ESR1: variants seen among roughly 807,000 people sequenced by gnomAD.
ESR1 encodes the protein estrogen receptor 1.
A neutral mutation model predicts 52.7 loss-of-function variants in ESR1; 12 were observed. The observed-to-expected ratio is 0.23, with a 90% CI of 0.15 to 0.37. ESR1 has a LOEUF of 0.37. ESR1 is among the 10% of genes least tolerant of loss of function. The pLI is 1.00. For synonymous variants in ESR1, 305 were observed against 316.8 expected, an observed-to-expected ratio of 0.96 and a Z score of 0.39; for missense variants, 584 against 779.7, an observed-to-expected ratio of 0.75 and a Z score of 2.99.
At chr6:151,946,378 T>C (rs1166870576) in intron 4 of ESR1, among the ~76,000 whole-genome samples, 1 of 152,198 alleles carries the variant, frequency 6.6e-6, no homozygotes, top group Non-Finnish European at 1.5e-5. Context: ...TTGAAGAGCA[T>C]TTTAAACAAC....
rs564492944 is a variant in ESR1 at position 151,671,385 on chromosome 6, G to A, written n.73+14622G>A. On this transcript the variant is annotated intron_variant and non_coding_transcript_variant, in intron 1 of 2. Coordinates refer to the ESR1 transcript ENST00000473497. ...AGAAAATTCTATCACTTGTGACAAC[G>A]TAGATGAACCTGGAGGACATCGTGC... is the stretch of plus-strand genomic sequence containing the variant. Among the ~76,000 whole-genome samples, 8 of 152,252 alleles carry A rather than the reference G, an allele frequency of 5.3e-5. No individual in the cohort carries two copies. The South Asian group carries it at 8.3e-4, about 16-fold the overall frequency.
At chr6:151,962,949 A>G (rs1318627185) in intron 4 of ESR1, among the ~76,000 whole-genome samples, 2 of 152,200 alleles carry the variant, frequency 1.3e-5, no homozygotes, top group Non-Finnish European at 2.9e-5. Flanking sequence ...ATATAAGCAT[A>G]TAGTTTTGCA....
At chr6:152,084,695 C>A (rs1274236867) in intron 6 of ESR1, among the ~76,000 whole-genome samples, 2 of 135,014 alleles carry the variant, frequency 1.5e-5, no homozygotes, top group Non-Finnish European at 3.1e-5. Context: ...GGTTCACAGG[C>A]TTTTAATTGA....
intron 2 of ESR1, among the ~76,000 whole-genome samples, chr6:151,748,288 G>A (rs1037687135): frequency 3.3e-5 from 5 of 152,144 alleles, no homozygotes; most frequent in African/African-American, 1.2e-4. Context: ...GTCCTTGAAA[G>A]TTGTCTATGC....
At chr6:151,669,646 G>A (rs79499083) in intron 1 of ESR1, among the ~76,000 whole-genome samples, 2,734 of 152,238 alleles carry the variant, frequency 0.018, 82 homozygotes, top group African/African-American at 0.063. Context: ...TCTGTAAAAT[G>A]GAGATCATGA....
At chr6:151,962,581 A>G (rs2037794146) in intron 4 of ESR1, among the ~76,000 whole-genome samples, 1 of 152,226 alleles carries the variant, frequency 6.6e-6, no homozygotes, top group African/African-American at 2.4e-5. Context: ...CACAACCACA[A>G]CCAAGGGAAA....
At chr6:151,714,477 C>T (rs138392575) in intron 2 of ESR1, among the ~76,000 whole-genome samples, 164 of 152,256 alleles carry the variant, frequency 1.1e-3, no homozygotes, top group African/African-American at 3.6e-3. Flanking sequence ...ATCTAAGTCT[C>T]TTTGTAGGTC....
chr6:151,798,325 A>G (rs965798701), intron 2 of ESR1, among the ~76,000 whole-genome samples: 3 of 152,168 alleles, frequency 2.0e-5, no homozygotes, highest in Non-Finnish European at 1.5e-5. Context: ...ATGATAAGGA[A>G]GTAGATGCAA....
At chr6:151,970,863 C>G (rs2038836836) in intron 4 of ESR1, among the ~76,000 whole-genome samples, 1 of 152,192 alleles carries the variant, frequency 6.6e-6, no homozygotes, top group Admixed American at 6.5e-5. Flanking sequence ...TGTTTCAAAT[C>G]CCACAAGGCC....
chr6:151,673,699 A>G (rs1368174650), intron 1 of ESR1, among the ~76,000 whole-genome samples: 1 of 152,182 alleles, frequency 6.6e-6, no homozygotes, highest in Non-Finnish European at 1.5e-5. Context: ...CTTGGGCAAC[A>G]TAGTGAGACC....
chr6:151,881,415 T>G (rs953194061), intron 3 of ESR1, among the ~76,000 whole-genome samples: 5 of 152,184 alleles, frequency 3.3e-5, no homozygotes, highest in African/African-American at 1.2e-4. Context: ...TGTGTGTGTG[T>G]GTGGTTTTCT....
intron 3 of ESR1, among the ~76,000 whole-genome samples, chr6:151,909,484 T>C (rs967780768): frequency 3.3e-5 from 5 of 152,280 alleles, no homozygotes; most frequent in South Asian, 2.1e-4. Context: ...ATTCAATACA[T>C]GTAGCAAAGA....
At position 151,711,897 on chromosome 6, in the gene ESR1, G is replaced by T. The variant is rs771826058; in HGVS notation, c.-71+9892G>T. Among the ~76,000 whole-genome samples the T allele has an allele frequency of 2.7e-4, 41 of 152,134 alleles. 1 individual carries two copies. The highest frequency in any genetic ancestry group is 5.9e-4 in the Admixed American group (9 of 15,274). ...TTGCCTTTTGTTGCCATTGCTTTTG[G>T]TGTTTTAGTCATGAAGTCTTTGTCC... On this transcript the variant is annotated intron_variant, in intron 2 of 2. Coordinates refer to the ESR1 transcript ENST00000404742.
chr6:151,906,332 G>A (rs2128421262), intron 3 of ESR1, among the ~76,000 whole-genome samples: 1 of 152,126 alleles, frequency 6.6e-6, no homozygotes, highest in African/African-American at 2.4e-5. Flanking sequence ...AAAAAAGTGT[G>A]TTAGTTAAGG....
chr6:151,686,649 C>T (rs1354735293), upstream of ESR1, among the ~76,000 whole-genome samples: 3 of 152,130 alleles, frequency 2.0e-5, no homozygotes, highest in African/African-American at 4.8e-5. Context: ...GATGGCGCCA[C>T]TGCACTCCAG....
chr6:151,870,969 A>T (rs1790840603), intron 2 of ESR1, among the ~76,000 whole-genome samples: 1 of 151,870 alleles, frequency 6.6e-6, no homozygotes, highest in Non-Finnish European at 1.5e-5. Flanking sequence ...CTCCCACCTC[A>T]GCCTCCTGAG....
downstream of ESR1, among the ~76,000 whole-genome samples, chr6:152,106,045 G>A (rs1003130302): frequency 8.7e-5 from 13 of 149,042 alleles, no homozygotes; most frequent in South Asian, 4.3e-4. Context: ...CACCCGCCTC[G>A]GCCTCCCAAA....
At chr6:151,834,670 C>T (rs368450505) in intron 1 of ESR1, among the ~76,000 whole-genome samples, 2 of 151,702 alleles carry the variant, frequency 1.3e-5, no homozygotes, top group East Asian at 1.9e-4. Context: ...GCACATTCTG[C>T]ACATGTATCC....
intron 2 of ESR1, among the ~76,000 whole-genome samples, chr6:151,865,478 A>ATCGCATG (rs1451398050): frequency 3.3e-5 from 5 of 152,232 alleles, no homozygotes; most frequent in African/African-American, 1.2e-4. Flanking sequence ...TTCACCCAGG[A>ATCGCATG]TCGCATGGAG....
Sources: allele counts gnomAD v4.1 joint callset (sites outside exome capture counted in the v4.1 genomes callset), GRCh38; gene constraint gnomAD v4.1.1; transcripts MANE v1.5; gene names NCBI Gene and HGNC (gene_info 2026-07-23, HGNC 2026-07-21).